The following SMIM13 variants were observed in gnomAD, a reference collection of about 807,000 sequenced individuals.
SMIM13 encodes UPF0766 protein C6orf228.
In SMIM13, 3 loss-of-function variants were observed where a neutral mutation model predicts 5.9. That is an observed-to-expected ratio of 0.51 (90% confidence interval 0.23 to 1.31). The LOEUF (loss-of-function observed/expected upper bound fraction) is 1.31, where lower values mean the gene tolerates loss of function less well. Among genes scored for constraint, SMIM13 ranks in the 40% most tolerant of loss-of-function variants. The pLI is 0.18. For missense variants in SMIM13, 85 were observed against 109.9 expected (o/e 0.77, Z 1.01); for synonymous variants, 55 against 46.0 (o/e 1.19, Z -0.79).
Position 11,134,797 on chromosome 6 carries a change from T to G in SMIM13, c.*195T>G. On this transcript the variant is annotated 3_prime_UTR_variant, in exon 2 of 2. Transcript: ENST00000416247. ...ACTATTATAAATTTCATCTTAAAGATAATCTTTTGTTTCACCAGCTTTCTA... is the reference window on the plus strand; with the variant it reads ...ACTATTATAAATTTCATCTTAAAGAGAATCTTTTGTTTCACCAGCTTTCTA... 2.4e-6 allele frequency: 1 copy of G among 418,142 alleles called. No individual in the cohort carries two copies. Among genetic ancestry groups the G allele is most frequent in the Non-Finnish European group, 4.2e-6 (1 of 240,860 alleles). 25.9% of individuals were successfully genotyped at this position (418,142 alleles called of 1,614,324 possible). A position where few individuals can be genotyped will look rare whatever the true frequency, so the allele number is the denominator to read the frequency against.
chr6:11,118,508 G>C (rs1758269635), intron 1 of SMIM13, among the ~76,000 whole-genome samples: 1 of 152,162 alleles, frequency 6.6e-6, no homozygotes, highest in Non-Finnish European at 1.5e-5. Flanking sequence ...TGAACACACT[G>C]GAAAACTGAT....
Position 11,094,333 on chromosome 6 carries a change from T to A in SMIM13, c.20T>A (p.Leu7Gln). Residue 7 changes from leucine to glutamine, a missense_variant, in exon 1 of 2, where the codon CTG (leucine) becomes CAG (glutamine). Coordinates refer to ENST00000416247, the MANE Select transcript of SMIM13 (RefSeq NM_001135575.2). ...CCCAAGATGTGGCACAGCGTCGGGC[T>A]GACTCTGCTTGTGTTCGTGGCCACG... The part of the protein sequence containing the change: MWHSVG[L>Q]TLLVFVATLL... 1.3e-6 allele frequency: 2 copies of A among 1,530,714 alleles called. No homozygotes were observed. The highest frequency in any genetic ancestry group is 1.8e-6 in the Non-Finnish European group (2 of 1,140,296). 94.8% of individuals were successfully genotyped at this position (1,530,714 alleles called of 1,614,324 possible). A position where few individuals can be genotyped will look rare whatever the true frequency, so the allele number is the denominator to read the frequency against.
At chr6:11,095,250 C>T (rs995745558) in intron 1 of SMIM13, among the ~76,000 whole-genome samples, 1 of 152,218 alleles carries the variant, frequency 6.6e-6, no homozygotes, top group South Asian at 2.1e-4. Flanking sequence ...TTGTTCATTA[C>T]ACGATAAATG....
At position 11,106,188 on chromosome 6, in the gene SMIM13, G is replaced by A. The variant is rs112138170; in HGVS notation, c.76+11799G>A. Reference sequence around the variant, plus strand: ...TGAACTGAGGAATGAGTTCCTTTAGGAGGAATTTAGCTACCTCCTGTGCCT... The same window carrying A: ...TGAACTGAGGAATGAGTTCCTTTAGAAGGAATTTAGCTACCTCCTGTGCCT... On this transcript the variant is annotated intron_variant, in intron 1 of 1. Coordinates refer to ENST00000416247, the MANE Select transcript of SMIM13 (RefSeq NM_001135575.2). 5.2e-3 allele frequency among the ~76,000 whole-genome samples: 790 copies of A among 152,290 alleles called. 9 individuals carry two copies. Among genetic ancestry groups the A allele is most frequent in the African/African-American group, 0.018 (754 of 41,556 alleles).
At chr6:11,119,919 G>T (rs766869732) in intron 1 of SMIM13, among the ~76,000 whole-genome samples, 1 of 152,198 alleles carries the variant, frequency 6.6e-6, no homozygotes, top group Non-Finnish European at 1.5e-5. Context: ...TGAGAAAGGG[G>T]TGTGTACAAT....
At chr6:11,130,566 T>A (rs1050622872) in intron 1 of SMIM13, among the ~76,000 whole-genome samples, 7 of 152,148 alleles carry the variant, frequency 4.6e-5, no homozygotes, top group African/African-American at 1.7e-4. Context: ...ATAACTTGCC[T>A]CTCCAAACTC....
Position 11,135,134 on chromosome 6 carries a change from A to G in SMIM13, c.*532A>G, listed in dbSNP as rs573885726. 6.5e-6 allele frequency: 1 copy of G among 152,780 alleles called. No homozygotes were observed. Among genetic ancestry groups the G allele is most frequent in the South Asian group, 2.1e-4 (1 of 4,828 alleles). The allele number at this position is 152,780 out of a possible 1,614,324, so 9.5% of individuals were successfully genotyped here. A position where few individuals can be genotyped will look rare whatever the true frequency, so the allele number is the denominator to read the frequency against. On this transcript the variant is annotated 3_prime_UTR_variant, in exon 2 of 2. Coordinates refer to ENST00000416247, the MANE Select transcript of SMIM13 (RefSeq NM_001135575.2). ...AAAATGTCTTCAAAAAGATCACACTATGATTCAGCATTGAAACGAAAAGTT... is the reference window on the plus strand; with the variant it reads ...AAAATGTCTTCAAAAAGATCACACTGTGATTCAGCATTGAAACGAAAAGTT...
At chr6:11,132,616 T>G (rs1299905207) in intron 1 of SMIM13, among the ~76,000 whole-genome samples, 1 of 152,176 alleles carries the variant, frequency 6.6e-6, no homozygotes, top group Non-Finnish European at 1.5e-5. Flanking sequence ...GTACTGATGC[T>G]TACAACACAA....
At chr6:11,114,590 C>CTTTTT (rs1758212488) in intron 1 of SMIM13, among the ~76,000 whole-genome samples, 1 of 60,972 alleles carries the variant, frequency 1.6e-5, no homozygotes, top group African/African-American at 6.8e-5. Flanking sequence ...TGCACTTTTT[C>CTTTTT]TCTTTTTTTT....
rs144880610 is a variant in SMIM13, at chr6:11,125,155, G to A, written c.77-9248G>A. Among the ~76,000 whole-genome samples the A allele has an allele frequency of 5.1e-3, 769 of 151,762 alleles. 1 individual carries two copies. The highest frequency in any genetic ancestry group is 0.023 in the South Asian group (111 of 4,792). ...CAGCTGGGCATGGTGGTGTGCGCCC[G>A]TAAGGCCAGCTACTTCGGAGGCTGA... is the stretch of plus-strand genomic sequence containing the variant. On this transcript the variant is annotated intron_variant, in intron 1 of 1. Coordinates refer to ENST00000416247, the MANE Select transcript of SMIM13 (RefSeq NM_001135575.2).
intron 1 of SMIM13, among the ~76,000 whole-genome samples, chr6:11,123,958 G>T (rs1315209376): frequency 1.3e-5 from 2 of 152,090 alleles, no homozygotes; most frequent in Non-Finnish European, 2.9e-5. Flanking sequence ...ATCACATCAG[G>T]ATAAATGGGG....
intron 1 of SMIM13, among the ~76,000 whole-genome samples, chr6:11,109,022 T>G (rs1039504336): frequency 6.6e-6 from 1 of 152,228 alleles, no homozygotes; most frequent in Admixed American, 6.5e-5. Flanking sequence ...TCCTTGCTCA[T>G]GTACTCCCCT....
chr6:11,116,436 C>A (rs1330169966), intron 1 of SMIM13, among the ~76,000 whole-genome samples: 1 of 152,200 alleles, frequency 6.6e-6, no homozygotes, highest in Non-Finnish European at 1.5e-5. Flanking sequence ...GTGTGTCTGT[C>A]ACATTTGACA....
chr6:11,123,317 G>A (rs16870965), intron 1 of SMIM13, among the ~76,000 whole-genome samples: 27,106 of 152,170 alleles, frequency 0.18, 2,641 homozygotes, highest in African/African-American at 0.25. Context: ...CTTGTCCCTC[G>A]TAAGGGCGCT....
At chr6:11,113,511 G>C (rs1414996427) in intron 1 of SMIM13, among the ~76,000 whole-genome samples, 2 of 151,852 alleles carry the variant, frequency 1.3e-5, no homozygotes, top group African/African-American at 4.8e-5. Flanking sequence ...CTGGATACAA[G>C]TTTTTTTTGT....
chr6:11,128,521 C>T (rs1015322556), intron 1 of SMIM13, among the ~76,000 whole-genome samples: 3 of 152,066 alleles, frequency 2.0e-5, no homozygotes, highest in Non-Finnish European at 4.4e-5. Flanking sequence ...CTTTGGTTGC[C>T]CCAGGTGGTG....
rs755833391 is a variant in SMIM13 at position 11,105,279 on chromosome 6, G to A, written c.76+10890G>A. ...ATGGCGGTAGGCTGCTAGTGAAGGCGTGAGAATGAGAACCAGCAGGAGCAG... is the reference window on the plus strand; with the variant it reads ...ATGGCGGTAGGCTGCTAGTGAAGGCATGAGAATGAGAACCAGCAGGAGCAG... On this transcript the variant is annotated intron_variant, in intron 1 of 1. Coordinates refer to ENST00000416247, the MANE Select transcript of SMIM13 (RefSeq NM_001135575.2). The A allele has an allele frequency of 4.2e-5, 67 of 1,613,832 alleles. No homozygotes were observed. In the Middle Eastern group the frequency reaches 8.2e-4, roughly 20 times the overall value.
In SMIM13 at chr6:11,138,218, A is replaced by G. The variant is rs1375998750; in HGVS notation, c.*3616A>G. On this transcript the variant is annotated 3_prime_UTR_variant, in exon 2 of 2. Transcript: ENST00000416247. The stretch of plus-strand genomic sequence containing the variant: ...AGCCATTGAGCAGTCCTCAGAGGTT[A>G]TGGACTCTCAAGCGACTAATGGAAT... 2 of 152,216 alleles carry G rather than the reference A, an allele frequency of 1.3e-5. No homozygotes were observed. Among genetic ancestry groups the G allele is most frequent in the African/African-American group, 2.4e-5 (1 of 41,452 alleles). The allele number at this position is 152,216 out of a possible 1,614,324, so 9.4% of individuals were successfully genotyped here. A position where few individuals can be genotyped will look rare whatever the true frequency, so the allele number is the denominator to read the frequency against.
rs1340566579 is a variant in SMIM13 at position 11,094,283 on chromosome 6, G to A, written c.-31G>A. On this transcript the variant is annotated 5_prime_UTR_variant, in exon 1 of 2. Transcript: ENST00000416247. ...GCGCTCACCGCCGTCCGCGCCAGCC[G>A]CCCCGAGCCGACTGCCCTTCTGCCC... 4 of 1,388,180 alleles carry A rather than the reference G, an allele frequency of 2.9e-6. No homozygotes were observed. The highest frequency in any genetic ancestry group is 2.6e-4 in the Middle Eastern group (1 of 3,920). 86.0% of individuals were successfully genotyped at this position (1,388,180 alleles called of 1,614,324 possible).
Sources: allele counts gnomAD v4.1 joint callset (sites outside exome capture counted in the v4.1 genomes callset), GRCh38; gene constraint gnomAD v4.1.1; transcripts MANE v1.5; gene names NCBI Gene and HGNC (gene_info 2026-07-23, HGNC 2026-07-21).